Variants in ROR1 observed in about 807,000 individuals in gnomAD.
ROR1 encodes inactive tyrosine-protein kinase transmembrane receptor ROR1.
A neutral mutation model predicts 78.8 loss-of-function variants in ROR1; 19 were observed. The observed-to-expected ratio is 0.24, with a 90% CI of 0.17 to 0.35. The LOEUF is 0.35. Ranked by LOEUF, ROR1 falls within the 10% of genes least tolerant of loss-of-function variation. The pLI, the probability that ROR1 is intolerant of heterozygous loss-of-function variation, is 1.00. For synonymous variants in ROR1, 386 were observed against 433.6 expected, an observed-to-expected ratio of 0.89 and a Z score of 1.36; for missense variants, 917 against 1,177.8, an observed-to-expected ratio of 0.78 and a Z score of 3.24.
intron 2 of ROR1, among the ~76,000 whole-genome samples, chr1:64,010,160 T>C (rs1055027913): frequency 6.6e-6 from 1 of 152,184 alleles, no homozygotes; most frequent in Admixed American, 6.5e-5. Context: ...AACAAATTAC[T>C]TCTCCCTCAA....
intron 1 of ROR1, among the ~76,000 whole-genome samples, chr1:63,893,541 A>G (rs1217312559): frequency 6.6e-6 from 1 of 152,206 alleles, no homozygotes; most frequent in Non-Finnish European, 1.5e-5. Context: ...AGTATCCTTC[A>G]TGATGTCCAG....
chr1:63,786,099 G>A (rs901030056), intron 1 of ROR1, among the ~76,000 whole-genome samples: 2 of 151,932 alleles, frequency 1.3e-5, no homozygotes, highest in Admixed American at 6.6e-5. Context: ...TCATCCCTAA[G>A]TTGCTGCCTA....
At chr1:63,944,418 C>G (rs888603316) in intron 1 of ROR1, among the ~76,000 whole-genome samples, 26 of 152,202 alleles carry the variant, frequency 1.7e-4, no homozygotes, top group African/African-American at 5.8e-4. Flanking sequence ...GGGCCCACAG[C>G]ATTTTCATTT....
At chr1:64,159,529 T>C (rs1415347468) in intron 8 of ROR1, among the ~76,000 whole-genome samples, 2 of 152,162 alleles carry the variant, frequency 1.3e-5, no homozygotes, top group Non-Finnish European at 2.9e-5. Context: ...TTCATACTTT[T>C]CCATCCAAAT....
intron 4 of ROR1, among the ~76,000 whole-genome samples, chr1:64,112,454 G>T (rs1456489222): frequency 1.3e-5 from 2 of 152,076 alleles, no homozygotes; most frequent in African/African-American, 4.8e-5. Flanking sequence ...GATTACTAGT[G>T]GCCACGAATC....
intron 1 of ROR1, among the ~76,000 whole-genome samples, chr1:63,873,284 A>G (rs938579715): frequency 6.6e-6 from 1 of 152,066 alleles, no homozygotes; most frequent in African/African-American, 2.4e-5. Flanking sequence ...GCTAAATGAT[A>G]TTTCTGTTTC....
chr1:64,178,155 T>G lies in ROR1; in HGVS notation c.2114T>G (p.Val705Gly). ...GFSNQEVIEM[V>G]RKRQLLPCSE... Reference sequence around the variant, plus strand: ...AGTAACCAGGAAGTGATTGAGATGGTGAGAAAACGGCAGCTCTTACCATGC... The same window carrying G: ...AGTAACCAGGAAGTGATTGAGATGGGGAGAAAACGGCAGCTCTTACCATGC... The change falls in exon 9 of 9, where the codon GTG becomes GGG. Residue 705 changes from valine to glycine, a missense_variant. Val to Gly is a moderately radical substitution (Grantham distance 109, BLOSUM62 -3). Around this residue, in one of 3 missense-constraint regions of ROR1, gnomAD observed 835 missense variants for 1,069.8 expected, o/e 0.78. Transcript: ENST00000371079. The surrounding 1 kb of genome is among the most constrained non-coding windows in gnomAD (Gnocchi z 4.3). 2 of 1,614,158 alleles carry G rather than the reference T, an allele frequency of 1.2e-6. No individual in the cohort carries two copies. The highest frequency in any genetic ancestry group is 1.7e-6 in the Non-Finnish European group (2 of 1,180,032).
At chr1:63,984,516 C>T (rs1014354330) in intron 1 of ROR1, among the ~76,000 whole-genome samples, 1 of 152,152 alleles carries the variant, frequency 6.6e-6, no homozygotes, top group Non-Finnish European at 1.5e-5. Flanking sequence ...GCTAATTGCA[C>T]ATTAGATACT....
At chr1:63,989,162 G>GTTTTTTTTTTTTTTTTTTTTT (rs1287163623) in intron 1 of ROR1, among the ~76,000 whole-genome samples, 1 of 117,396 alleles carries the variant, frequency 8.5e-6, no homozygotes, top group African/African-American at 2.9e-5. Context: ...GTCATTTTCT[G>GTTTTTTTTTTTTTTTTTTTTT]TTTTTGTTTT....
At chr1:63,966,263 G>A (rs1048013507) in intron 1 of ROR1, among the ~76,000 whole-genome samples, 3 of 152,192 alleles carry the variant, frequency 2.0e-5, no homozygotes, top group African/African-American at 4.8e-5. Flanking sequence ...CTGTCAAAGC[G>A]ACAGTCGGAA....
intron 1 of ROR1, among the ~76,000 whole-genome samples, chr1:63,911,861 C>G (rs1173427900): frequency 6.6e-6 from 1 of 152,132 alleles, no homozygotes. Flanking sequence ...CCTTCCTTCT[C>G]AAGCTGTAGG....
chr1:63,956,049 A>G (rs1297908386), intron 1 of ROR1, among the ~76,000 whole-genome samples: 2 of 152,136 alleles, frequency 1.3e-5, no homozygotes, highest in Admixed American at 1.3e-4. Context: ...AGGCCCATGT[A>G]GGTGGTGGTA....
At chr1:64,152,122 A>G (rs1045489441) in intron 7 of ROR1, among the ~76,000 whole-genome samples, 1 of 152,178 alleles carries the variant, frequency 6.6e-6, no homozygotes, top group Non-Finnish European at 1.5e-5. Flanking sequence ...GATTTTTTTT[A>G]AATGTTGGCC....
intron 1 of ROR1, among the ~76,000 whole-genome samples, chr1:63,841,719 T>C (rs1428950686): frequency 6.6e-6 from 1 of 152,234 alleles, no homozygotes; most frequent in African/African-American, 2.4e-5. Flanking sequence ...TAGCCATTTA[T>C]TTAACAGACA....
intron 1 of ROR1, among the ~76,000 whole-genome samples, chr1:63,918,723 G>A (rs555892405): frequency 7.9e-5 from 12 of 152,238 alleles, no homozygotes; most frequent in South Asian, 4.1e-4. Flanking sequence ...GCCAGAGACC[G>A]TTAGGGAGTT....
intron 1 of ROR1, among the ~76,000 whole-genome samples, chr1:63,876,952 CAATGA>C (rs568712266): frequency 6.5e-4 from 99 of 151,898 alleles, no homozygotes; most frequent in South Asian, 4.2e-3. Context: ...AACTTTTCTG[CAATGA>C]AATAACATTA....
chr1:63,887,616 T>A (rs1452614030), intron 1 of ROR1, among the ~76,000 whole-genome samples: 1 of 152,176 alleles, frequency 6.6e-6, no homozygotes, highest in Non-Finnish European at 1.5e-5. Flanking sequence ...TCTATCACCA[T>A]AGTTTATACA....
At chr1:63,785,822 G>A (rs984731445) in intron 1 of ROR1, among the ~76,000 whole-genome samples, 6 of 152,118 alleles carry the variant, frequency 3.9e-5, no homozygotes, top group African/African-American at 9.7e-5. Context: ...CACCGCGCCC[G>A]GCCTACGCAG....
At chr1:63,903,689 T>G (rs1373564347) in intron 1 of ROR1, among the ~76,000 whole-genome samples, 1 of 152,036 alleles carries the variant, frequency 6.6e-6, no homozygotes, top group Non-Finnish European at 1.5e-5. Context: ...GTGCACAGAT[T>G]ATATAACTAT....
Sources: allele counts gnomAD v4.1 joint callset (sites outside exome capture counted in the v4.1 genomes callset), GRCh38; gene constraint gnomAD v4.1.1; regional missense constraint gnomAD v4.1.1; non-coding constraint Gnocchi (gnomAD v3.1); transcripts MANE v1.5; gene names NCBI Gene and HGNC (gene_info 2026-07-23, HGNC 2026-07-21).